ARSJ: variants seen among roughly 807,000 people sequenced by gnomAD.
ARSJ encodes the protein arylsulfatase family member J, also known as arylsulfatase J.
In ARSJ, 26 loss-of-function variants were observed where a neutral mutation model predicts 35.9. That is an observed-to-expected ratio of 0.72 (90% CI 0.53 to 1.00). The LOEUF (loss-of-function observed/expected upper bound fraction) is 1.00, where lower values mean the gene tolerates loss of function less well. ARSJ is among the 50% of genes least tolerant of loss of function. The pLI, the probability that ARSJ is intolerant of heterozygous loss-of-function variation, is 0.00. For synonymous variants in ARSJ, 294 were observed against 267.6 expected (o/e 1.10, Z -0.96); for missense variants, 667 against 723.6 (o/e 0.92, Z 0.90).
At chr4:113,922,975 C>T (rs78981017) in intron 1 of ARSJ, among the ~76,000 whole-genome samples, 8,571 of 152,188 alleles carry the variant, frequency 0.056, 322 homozygotes, top group East Asian at 0.11. Flanking sequence ...AAACAGATTA[C>T]CCTCCATAAT....
intron 1 of ARSJ, among the ~76,000 whole-genome samples, chr4:113,951,297 G>A (rs1390373485): frequency 6.6e-6 from 1 of 152,072 alleles, no homozygotes; most frequent in African/African-American, 2.4e-5. Context: ...CTTCAAATAT[G>A]TGAAGACAGT....
chr4:113,939,259 G>A (rs200296859), intron 1 of ARSJ, among the ~76,000 whole-genome samples: 1 of 96,524 alleles, frequency 1.0e-5, no homozygotes, highest in African/African-American at 3.5e-5. Context: ...TTTTATGGCT[G>A]CATAGTATTC....
At position 113,902,603 on chromosome 4, in the gene ARSJ, T is replaced by C; in HGVS notation, c.1471A>G (p.Lys491Glu). 2 of 1,614,142 alleles carry C rather than the reference T, an allele frequency of 1.2e-6. No homozygotes were observed. The highest frequency in any genetic ancestry group is 1.7e-6 in the Non-Finnish European group (2 of 1,180,028). The change falls in exon 2 of 2, where the codon AAA becomes GAA. Residue 491 changes from lysine (K) to glutamate (E), a missense_variant. Lys to Glu is a moderately conservative substitution (Grantham distance 56). Coordinates refer to ENST00000315366, the MANE Select transcript of ARSJ (RefSeq NM_024590.4). ...GTGATGTTGAAAAGCCATACACTTTTGCCAGTTGACAAGGTGATCCGTTCA... is the reference window on the plus strand; with the variant it reads ...GTGATGTTGAAAAGCCATACACTTTCGCCAGTTGACAAGGTGATCCGTTCA... ...HNERITLSTG[K>E]SVWLFNITAD... is the part of the protein sequence containing the mutation.
intron 1 of ARSJ, among the ~76,000 whole-genome samples, chr4:113,956,549 A>G (rs1019965800): frequency 2.0e-5 from 3 of 152,194 alleles, no homozygotes; most frequent in South Asian, 4.1e-4. Flanking sequence ...TCAAAGTGCA[A>G]TGGAGAAGAA....
At chr4:113,906,337 A>T (rs541285078) in intron 1 of ARSJ, among the ~76,000 whole-genome samples, 135 of 152,338 alleles carry the variant, frequency 8.9e-4, no homozygotes, top group African/African-American at 3.0e-3. Flanking sequence ...CTTATGAAAA[A>T]CATAAAATAC....
intron 1 of ARSJ, among the ~76,000 whole-genome samples, chr4:113,903,922 CT>C (rs1394124442): frequency 6.6e-6 from 1 of 152,144 alleles, no homozygotes; most frequent in Non-Finnish European, 1.5e-5. Context: ...AATTTTGCCA[CT>C]TATCTCGAAA....
chr4:113,951,544 A>T (rs1334788337), intron 1 of ARSJ, among the ~76,000 whole-genome samples: 2 of 152,118 alleles, frequency 1.3e-5, no homozygotes, highest in Admixed American at 6.6e-5. Flanking sequence ...GCAGCACGTC[A>T]TACTGTTGGC....
intron 1 of ARSJ, among the ~76,000 whole-genome samples, chr4:113,955,011 T>A (rs1010126228): frequency 6.6e-6 from 1 of 151,504 alleles, no homozygotes; most frequent in Admixed American, 6.6e-5. Context: ...TTTCTTTTTT[T>A]TTTTTTTGAG....
chr4:113,973,294 T>C (rs1001540854), intron 1 of ARSJ, among the ~76,000 whole-genome samples: 1 of 152,190 alleles, frequency 6.6e-6, no homozygotes, highest in Non-Finnish European at 1.5e-5. Flanking sequence ...CACTATTATC[T>C]ATGTTTTCAA....
chr4:113,907,034 C>T (rs1362536744), intron 1 of ARSJ, among the ~76,000 whole-genome samples: 1 of 152,194 alleles, frequency 6.6e-6, no homozygotes, highest in African/African-American at 2.4e-5. Flanking sequence ...CACCCTCAAC[C>T]TGCCCCACCA....
chr4:113,924,071 ATATAAATAT>A (rs1723880859), intron 1 of ARSJ, among the ~76,000 whole-genome samples: 1 of 114,230 alleles, frequency 8.8e-6, no homozygotes, highest in Non-Finnish European at 1.7e-5. Flanking sequence ...ATATAAATAT[ATATAAATAT>A]ATATATATAT....
chr4:113,924,864 C>T (rs191161690), intron 1 of ARSJ, among the ~76,000 whole-genome samples: 1 of 152,254 alleles, frequency 6.6e-6, no homozygotes, highest in Non-Finnish European at 1.5e-5. Context: ...GTATTGATGA[C>T]TACCTTCTTC....
intron 1 of ARSJ, among the ~76,000 whole-genome samples, chr4:113,967,070 G>A (rs752944835): frequency 6.6e-6 from 1 of 152,170 alleles, no homozygotes; most frequent in Admixed American, 6.5e-5. Flanking sequence ...TGATAGGATA[G>A]AGAAATTTTA....
chr4:113,977,095 T>A (rs1054410315), intron 1 of ARSJ, among the ~76,000 whole-genome samples: 1 of 152,228 alleles, frequency 6.6e-6, no homozygotes. Flanking sequence ...TTGTGAGACA[T>A]TTATTTCATG....
At chr4:113,945,889 A>C (rs543316285) in intron 1 of ARSJ, among the ~76,000 whole-genome samples, 3 of 152,216 alleles carry the variant, frequency 2.0e-5, no homozygotes, top group African/African-American at 7.2e-5. Flanking sequence ...ATTTGAACCA[A>C]CAATCTTGGT....
At position 113,946,621 on chromosome 4, in the gene ARSJ, A is replaced by C. The variant is rs572604725; in HGVS notation, c.398+31816T>G. The stretch of plus-strand genomic sequence containing the variant: ...TCAGTAAGTATGATTTATATATTTG[A>C]TATGCCAGACTCTCCAAGTTCTATT... On this transcript the variant is annotated intron_variant, in intron 1 of 1. Coordinates refer to ENST00000315366, the MANE Select transcript of ARSJ (RefSeq NM_024590.4). Among the ~76,000 whole-genome samples the C allele has an allele frequency of 2.8e-4, 42 of 151,638 alleles. 4 individuals are homozygous for C. In the South Asian group the frequency reaches 7.5e-3, roughly 27 times the overall value.
intron 1 of ARSJ, among the ~76,000 whole-genome samples, chr4:113,936,374 A>G (rs1328399533): frequency 1.3e-5 from 2 of 151,932 alleles, no homozygotes; most frequent in Non-Finnish European, 2.9e-5. Flanking sequence ...AAACCAGAAA[A>G]AGAATATGAA....
rs566197836 is a variant in ARSJ at position 113,966,106 on chromosome 4, AATAG to A, written c.398+12327_398+12330del. On this transcript the variant is annotated intron_variant, in intron 1 of 1. Transcript: ENST00000315366. ...TTTATTTTAAAAATTTCAATTATAG[AATAG>A]ATAATTTATAGTAGAGATGAATTAA... Among the ~76,000 whole-genome samples, 58 of 152,046 alleles carry A rather than the reference AATAG, an allele frequency of 3.8e-4. No individual in the cohort carries two copies. In the South Asian group the frequency reaches 0.011, roughly 29 times the overall value.
chr4:113,929,429 GT>G lies in ARSJ; in HGVS notation c.399-25755del, dbSNP rs1724286936. Among the ~76,000 whole-genome samples, 3 of 152,244 alleles carry G rather than the reference GT, an allele frequency of 2.0e-5. No homozygotes were observed. In the South Asian group the frequency reaches 6.2e-4, roughly 32 times the overall value. ...GGTGGAAAGGCTGATGGAAGCATGG[GT>G]TGGGGCAGGAGGGATGTTGCCACTA... On this transcript the variant is annotated intron_variant, in intron 1 of 1. Coordinates refer to ENST00000315366, the MANE Select transcript of ARSJ (RefSeq NM_024590.4).
Sources: gnomAD v4.1 joint callset for allele counts (sites outside exome capture counted in the v4.1 genomes callset) on GRCh38, gnomAD v4.1.1 for gene constraint, MANE v1.5 for transcripts, NCBI Gene and HGNC (gene_info 2026-07-23, HGNC 2026-07-21) for gene names.